The following ZC3H14 variants were observed in gnomAD, a reference collection of about 807,000 sequenced individuals.
The protein encoded by ZC3H14 is zinc finger CCCH domain-containing protein 14.
ZC3H14 carries 31 observed loss-of-function variants against 92.4 expected under a neutral mutation model. The ratio of observed to expected loss-of-function variants is 0.34; its 90% CI spans 0.25 to 0.45. The LOEUF is 0.45. Ranked by LOEUF, ZC3H14 falls within the 20% of genes least tolerant of loss-of-function variation. ZC3H14 has a pLI of 1.00. For synonymous variants in ZC3H14, 321 were observed against 300.9 expected (o/e 1.07, Z -0.69); for missense variants, 781 against 897.3 (o/e 0.87, Z 1.66).
At chr14:88,586,361 A>T (rs1019574595) in intron 9 of ZC3H14, among the ~76,000 whole-genome samples, 14 of 152,210 alleles carry the variant, frequency 9.2e-5, no homozygotes, top group African/African-American at 3.4e-4. Context: ...TCACTGAAAC[A>T]TGTCTGTTGG....
intron 12 of ZC3H14, 142 bp downstream of exon 12, chr14:88,603,202 C>T (rs2084889120): frequency 2.4e-6 from 2 of 831,034 alleles, no homozygotes; most frequent in Non-Finnish European, 4.0e-6. Context: ...TTCAGACAAA[C>T]CCACCAAGTA....
chr14:88,581,173 C>T (rs542378510), intron 9 of ZC3H14, among the ~76,000 whole-genome samples: 2 of 152,128 alleles, frequency 1.3e-5, no homozygotes, highest in African/African-American at 4.8e-5. Flanking sequence ...TTTTCTAGTT[C>T]TGTCTACTAG....
Position 88,627,139 on chromosome 14 carries a change from C to A in ZC3H14, c.*15388C>A, listed in dbSNP as rs2090036819. ...TATGTAAAATACATAGTTCAAAAAA[C>A]AAAGGCTTAGAAGAGAGGCCAATGG... On this transcript the variant is annotated 3_prime_UTR_variant, in exon 17 of 17. Coordinates refer to ENST00000251038, the MANE Select transcript of ZC3H14 (RefSeq NM_024824.5). 7.3e-7 allele frequency: 1 copy of A among 1,360,730 alleles called. No homozygotes were observed. The highest frequency in any genetic ancestry group is 1.4e-5 in the African/African-American group (1 of 69,868). 84.3% of individuals were successfully genotyped at this position (1,360,730 alleles called of 1,614,324 possible). A position where few individuals can be genotyped will look rare whatever the true frequency, so the allele number is the denominator to read the frequency against.
At chr14:88,582,665 T>G (rs1229479272) in intron 9 of ZC3H14, among the ~76,000 whole-genome samples, 1 of 152,194 alleles carries the variant, frequency 6.6e-6, no homozygotes, top group Non-Finnish European at 1.5e-5. Context: ...AAAAATTCAT[T>G]AAGCTATATG....
chr14:88,582,705 AAG>A (rs1323317410), intron 9 of ZC3H14, among the ~76,000 whole-genome samples: 1 of 152,124 alleles, frequency 6.6e-6, no homozygotes, highest in Non-Finnish European at 1.5e-5. Flanking sequence ...TGTGTTTTAA[AAG>A]GGGATAATTG....
chr14:88,611,240 C>CTCAGCCTTCCACT (rs11268925), intron 16 of ZC3H14, among the ~76,000 whole-genome samples: 1 of 151,992 alleles, frequency 6.6e-6, no homozygotes, highest in Admixed American at 6.6e-5. Context: ...ATCCTCCCAC[C>CTCAGCCTTCCACT]TGTAGCTGAG....
chr14:88,616,038 A>C lies in ZC3H14; in HGVS notation c.*4287A>C, dbSNP rs1355169401. 4 of 1,332,874 alleles carry C rather than the reference A, an allele frequency of 3.0e-6. No homozygotes were observed. In the East Asian group the frequency reaches 9.3e-5, roughly 31 times the overall value. 82.6% of individuals were successfully genotyped at this position (1,332,874 alleles called of 1,614,324 possible). On this transcript the variant is annotated 3_prime_UTR_variant, in exon 17 of 17. Coordinates refer to ENST00000251038, the MANE Select transcript of ZC3H14 (RefSeq NM_024824.5). ...CATCTGGTTATACTACCTTCTACTA[A>C]TGTTGACTAGCTGATTTCATAAACC...
chr14:88,567,240 C>T (rs1334853643), intron 2 of ZC3H14, among the ~76,000 whole-genome samples: 1 of 151,390 alleles, frequency 6.6e-6, no homozygotes, highest in Non-Finnish European at 1.5e-5. Context: ...CTCGGCCTCC[C>T]GAGTAGCTGA....
intron 9 of ZC3H14, chr14:88,595,115 A>T (rs748028881): frequency 6.2e-7 from 1 of 1,607,654 alleles, no homozygotes; most frequent in South Asian, 1.1e-5. Flanking sequence ...GAGAAAGGTA[A>T]ACTCTTAATA....
intron 9 of ZC3H14, among the ~76,000 whole-genome samples, chr14:88,581,884 T>TCATTG (rs1394037344): frequency 6.6e-6 from 1 of 152,226 alleles, no homozygotes; most frequent in Admixed American, 6.5e-5. Flanking sequence ...AGATAATCAT[T>TCATTG]CATTGTCTTG....
chr14:88,626,907 G>A lies in ZC3H14; in HGVS notation c.*15156G>A. 1 of 1,613,732 alleles carries A rather than the reference G, an allele frequency of 6.2e-7. No homozygotes were observed. The highest frequency in any genetic ancestry group is 2.2e-5 in the East Asian group (1 of 44,866). Reference sequence around the variant, plus strand: ...CCAGTGTGCTCAGTAGCCCTTTTTTGCTAAGAAGAGCTCTTCCTGCCAGGG... The same window carrying A: ...CCAGTGTGCTCAGTAGCCCTTTTTTACTAAGAAGAGCTCTTCCTGCCAGGG... On this transcript the variant is annotated 3_prime_UTR_variant, in exon 17 of 17. Transcript: ENST00000251038.
chr14:88,582,660 T>A (rs2082037201), intron 9 of ZC3H14, among the ~76,000 whole-genome samples: 1 of 152,200 alleles, frequency 6.6e-6, no homozygotes, highest in South Asian at 2.1e-4. Flanking sequence ...CTTACAAAAA[T>A]TCATTAAGCT....
At position 88,574,691 on chromosome 14, in the gene ZC3H14, A is replaced by G; in HGVS notation, c.862-2A>G. On this transcript the variant is annotated splice_acceptor_variant, in intron 6 of 16. Transcript: ENST00000251038. LOFTEE classifies it high-confidence loss of function. ...GTAAGCATAAATTTTATCTGATTGCAGGATGAAAACTTTCGGAAGAGAAAG... is the reference window on the plus strand; with the variant it reads ...GTAAGCATAAATTTTATCTGATTGCGGGATGAAAACTTTCGGAAGAGAAAG... The G allele has an allele frequency of 6.2e-7, 1 of 1,614,120 alleles. No homozygotes were observed. The highest frequency in any genetic ancestry group is 8.5e-7 in the Non-Finnish European group (1 of 1,179,972).
intron 2 of ZC3H14, among the ~76,000 whole-genome samples, chr14:88,567,183 T>A (rs1182834033): frequency 6.6e-6 from 1 of 150,874 alleles, no homozygotes; most frequent in Non-Finnish European, 1.5e-5. Flanking sequence ...TGGCAGGATC[T>A]GAGCGCACTG....
chr14:88,568,962 G>T lies in ZC3H14; in HGVS notation c.194+809G>T, dbSNP rs560475724. Among the ~76,000 whole-genome samples the T allele has an allele frequency of 3.3e-5, 5 of 152,106 alleles. No homozygotes were observed. In the South Asian group the frequency reaches 1.0e-3, roughly 32 times the overall value. ...AGTGGTACAATCATGGCTCGCTGCA[G>T]CCTCGATCTCCTGGTTTCAAGTGAT... On this transcript the variant is annotated intron_variant, in intron 3 of 16. Transcript: ENST00000251038.
chr14:88,605,693 G>A (rs1036864141), intron 12 of ZC3H14, among the ~76,000 whole-genome samples: 1 of 152,160 alleles, frequency 6.6e-6, no homozygotes, highest in African/African-American at 2.4e-5. Flanking sequence ...TTTGTATCAG[G>A]CATAGTCATA....
At chr14:88,593,164 C>T (rs553349295) in intron 9 of ZC3H14, among the ~76,000 whole-genome samples, 8 of 151,972 alleles carry the variant, frequency 5.3e-5, no homozygotes, top group Admixed American at 1.3e-4. Flanking sequence ...GACGGGATTT[C>T]GCCACATTGG....
rs2087475685 is a variant in ZC3H14 at position 88,615,647 on chromosome 14, A to C, written c.*3896A>C. ...ATGGATTACGGATTATACCCAGTGC[A>C]TATAGCAAATATTTTGAACAGATCA... On this transcript the variant is annotated 3_prime_UTR_variant, in exon 17 of 17. Transcript: ENST00000251038. The C allele has an allele frequency of 1.6e-6, 1 of 608,596 alleles. No individual in the cohort carries two copies. Among genetic ancestry groups the C allele is most frequent in the South Asian group, 2.3e-5 (1 of 43,808 alleles). The allele number at this position is 608,596 out of a possible 1,614,324, so 37.7% of individuals were successfully genotyped here.
chr14:88,569,790 C>T (rs2080156825), intron 3 of ZC3H14, among the ~76,000 whole-genome samples: 1 of 152,126 alleles, frequency 6.6e-6, no homozygotes. Context: ...GCTTATCAAC[C>T]GTCTTGAAAT....
Sources: gnomAD v4.1 joint callset for allele counts (sites outside exome capture counted in the v4.1 genomes callset) on GRCh38, gnomAD v4.1.1 for gene constraint, MANE v1.5 for transcripts, NCBI Gene and HGNC (gene_info 2026-07-23, HGNC 2026-07-21) for gene names.